RAI1: variants seen among roughly 807,000 people sequenced by gnomAD.
RAI1 encodes retinoic acid induced 1.
In RAI1, 9 loss-of-function variants were observed where a neutral mutation model predicts 123.8. The observed-to-expected ratio is 0.07, with a 90% CI of 0.04 to 0.13. The LOEUF is 0.13. Among genes scored for constraint, RAI1 ranks in the 10% least tolerant of loss-of-function variants. The pLI, the probability that RAI1 is intolerant of heterozygous loss-of-function variation, is 1.00. For missense variants in RAI1, 2,256 were observed against 2,545.8 expected (o/e 0.89, Z 2.45); for synonymous variants, 1,231 against 1,127.3 (o/e 1.09, Z -1.84).
chr17:17,745,966 C>T (rs1205815200), intron 2 of RAI1, among the ~76,000 whole-genome samples: 2 of 152,174 alleles, frequency 1.3e-5, no homozygotes, highest in South Asian at 2.1e-4. Flanking sequence ...TGGCCGGGGA[C>T]AGGGACTGGG....
chr17:17,722,350 G>A (rs919460878), intron 1 of RAI1, among the ~76,000 whole-genome samples: 5 of 152,146 alleles, frequency 3.3e-5, no homozygotes, highest in Middle Eastern at 3.2e-3. Context: ...TCACAGCCCC[G>A]GGGCTCGGCG....
intron 2 of RAI1, among the ~76,000 whole-genome samples, chr17:17,728,052 T>G (rs1299673251): frequency 1.3e-5 from 2 of 151,010 alleles, no homozygotes; most frequent in African/African-American, 4.9e-5. Flanking sequence ...CCTCTGTGTG[T>G]GTGTGTGTCC....
intron 2 of RAI1, among the ~76,000 whole-genome samples, chr17:17,774,155 AG>A (rs1469133015): frequency 2.0e-5 from 3 of 152,202 alleles, no homozygotes; most frequent in African/African-American, 7.2e-5. Flanking sequence ...TGTGGGAATT[AG>A]CCCCGAGGAT....
intron 1 of RAI1, among the ~76,000 whole-genome samples, chr17:17,700,057 C>G (rs144962919): frequency 6.6e-6 from 1 of 152,226 alleles, no homozygotes; most frequent in Non-Finnish European, 1.5e-5. Context: ...ATGCTAAATC[C>G]TTAAAACTCA....
chr17:17,719,265 A>G (rs1372656344), intron 1 of RAI1, among the ~76,000 whole-genome samples: 3 of 152,126 alleles, frequency 2.0e-5, no homozygotes, highest in Non-Finnish European at 2.9e-5. Context: ...AGTCCCTACA[A>G]TGGTGTGTGT....
At chr17:17,719,212 A>C (rs1193986575) in intron 1 of RAI1, among the ~76,000 whole-genome samples, 1 of 152,096 alleles carries the variant, frequency 6.6e-6, no homozygotes. Context: ...TCCCTGCTCA[A>C]AACACTGCAG....
chr17:17,717,672 C>T (rs1265030999), intron 1 of RAI1, among the ~76,000 whole-genome samples: 1 of 152,176 alleles, frequency 6.6e-6, no homozygotes, highest in Non-Finnish European at 1.5e-5. Flanking sequence ...CCTCCTGCCC[C>T]CCACCTGGGC....
intron 2 of RAI1, among the ~76,000 whole-genome samples, chr17:17,783,986 C>CT (rs371135731): frequency 2.0e-5 from 3 of 152,174 alleles, no homozygotes; most frequent in African/African-American, 7.2e-5. Context: ...TCTCTCTCCC[C>CT]TTTTTTCTCT....
Position 17,795,367 on chromosome 17 carries a change from C to G in RAI1, c.2419C>G (p.Pro807Ala). ...CCCTGGGGAGAAGGTGGCCTCGTTGCCCGGGGACTTCAAGCAGGAGGAGGT... is the reference window on the plus strand; with the variant it reads ...CCCTGGGGAGAAGGTGGCCTCGTTGGCCGGGGACTTCAAGCAGGAGGAGGT... Reference protein sequence around the residue: ...DPPGEKVASLPGDFKQEEVGG... With the variant: ...DPPGEKVASLAGDFKQEEVGG... Residue 807 changes from proline to alanine, a missense_variant, in exon 3 of 6, where the codon CCC (proline) becomes GCC (alanine). By Grantham distance (27) the Pro-to-Ala change is conservative. Transcript: ENST00000353383. This position sits in a 1 kb window ranked among gnomAD's most constrained non-coding sequence, Gnocchi z 5.9. The G allele has an allele frequency of 6.3e-7, 1 of 1,595,288 alleles. No homozygotes were observed.
chr17:17,743,492 C>T (rs1916710490), intron 2 of RAI1, among the ~76,000 whole-genome samples: 1 of 152,236 alleles, frequency 6.6e-6, no homozygotes, highest in Non-Finnish European at 1.5e-5. Context: ...TGGCAGCGTC[C>T]AGGAGCCCAG....
At chr17:17,740,523 C>T (rs1916588617) in intron 2 of RAI1, among the ~76,000 whole-genome samples, 2 of 152,132 alleles carry the variant, frequency 1.3e-5, no homozygotes, top group Non-Finnish European at 2.9e-5. Context: ...CTGGGGGCTT[C>T]GAATAGGTAC....
intron 1 of RAI1, among the ~76,000 whole-genome samples, chr17:17,702,699 C>T (rs1331026325): frequency 6.6e-6 from 1 of 152,206 alleles, no homozygotes; most frequent in Non-Finnish European, 1.5e-5. Flanking sequence ...GAATGAGGCT[C>T]ACAGGGGTTT....
intron 1 of RAI1, among the ~76,000 whole-genome samples, chr17:17,688,283 G>A (rs955763266): frequency 6.6e-5 from 10 of 152,012 alleles, no homozygotes; most frequent in African/African-American, 2.4e-4. Context: ...TCAGGAGTTC[G>A]AGACCAGCCT....
intron 2 of RAI1, among the ~76,000 whole-genome samples, chr17:17,739,844 T>C (rs1477845899): frequency 6.6e-6 from 1 of 152,188 alleles, no homozygotes; most frequent in Non-Finnish European, 1.5e-5. Context: ...CAGGCACCAG[T>C]CCAGCTGGCC....
chr17:17,781,184 C>T (rs1018523982), intron 2 of RAI1, among the ~76,000 whole-genome samples: 2 of 152,224 alleles, frequency 1.3e-5, no homozygotes, highest in Non-Finnish European at 2.9e-5. Flanking sequence ...AGCTAGGCAG[C>T]TCCTGGCGGC....
Position 17,797,537 on chromosome 17 carries a change from A to G in RAI1, c.4589A>G (p.Asn1530Ser). 1 of 1,613,912 alleles carries G rather than the reference A, an allele frequency of 6.2e-7. No individual in the cohort carries two copies. Among genetic ancestry groups the G allele is most frequent in the Non-Finnish European group, 8.5e-7 (1 of 1,179,952 alleles). Residue 1530 changes from asparagine (N) to serine (S), a missense_variant, in exon 3 of 6, where the codon AAC (asparagine) becomes AGC (serine). Transcript: ENST00000353383. Reference sequence around the variant, plus strand: ...GCACAGAAACAGCCAGGCCACACCAACTACAGCAGCTATTCCAAGCGGAAG... The same window carrying G: ...GCACAGAAACAGCCAGGCCACACCAGCTACAGCAGCTATTCCAAGCGGAAG... ...TRAQKQPGHT[N>S]YSSYSKRKRL...
In RAI1 at chr17:17,809,602, G is replaced by A. The variant is rs913832779; in HGVS notation, c.5709+163G>A. ...CCGCCCACCCCCAGGAGCCCCCGCC[G>A]CCGTCCAGCTCAGGTCCCTGTCCAC... On this transcript the variant is annotated intron_variant, in intron 5 of 5. Coordinates refer to ENST00000353383, the MANE Select transcript of RAI1 (RefSeq NM_030665.4). The surrounding 1 kb of genome is among the most constrained non-coding windows in gnomAD (Gnocchi z 4.9). Among the ~76,000 whole-genome samples the A allele has an allele frequency of 9.2e-5, 14 of 151,672 alleles. No homozygotes were observed. Among genetic ancestry groups the A allele is most frequent in the Admixed American group, 7.2e-4 (11 of 15,258 alleles).
At chr17:17,739,514 G>A (rs1167581393) in intron 2 of RAI1, among the ~76,000 whole-genome samples, 1 of 152,222 alleles carries the variant, frequency 6.6e-6, no homozygotes, top group Non-Finnish European at 1.5e-5. Flanking sequence ...AGGGGTCAGG[G>A]AGCCTTTGGC....
intron 4 of RAI1, among the ~76,000 whole-genome samples, chr17:17,807,978 G>A (rs191716326): frequency 2.0e-5 from 3 of 152,320 alleles, no homozygotes; most frequent in Admixed American, 2.0e-4. Context: ...CCTCAGGGCT[G>A]CAGAGCTGTC....
Sources: allele counts gnomAD v4.1 joint callset (sites outside exome capture counted in the v4.1 genomes callset), GRCh38; gene constraint gnomAD v4.1.1; non-coding constraint Gnocchi (gnomAD v3.1); transcripts MANE v1.5; gene names NCBI Gene and HGNC (gene_info 2026-07-23, HGNC 2026-07-21).